The following SLC9A4 variants were observed in gnomAD, a reference collection of about 807,000 sequenced individuals.
SLC9A4 encodes the protein solute carrier family 9 member A4, also known as sodium/hydrogen exchanger 4.
SLC9A4 carries 63 observed loss-of-function variants against 67.4 expected under a neutral mutation model. That is an observed-to-expected ratio of 0.93 (90% CI 0.76 to 1.15). The LOEUF (loss-of-function observed/expected upper bound fraction) is 1.15. Ranked by LOEUF, SLC9A4 falls within the 50% of genes most tolerant of loss-of-function variation. The probability of loss-of-function intolerance (pLI) is 0.00; values close to 1 mark genes in which losing one functional copy is unlikely to be tolerated. For synonymous variants in SLC9A4, 393 were observed against 367.2 expected (o/e 1.07, Z -0.80); for missense variants, 1,089 against 987.7 (o/e 1.10, Z -1.38).
intron 9 of SLC9A4, among the ~76,000 whole-genome samples, chr2:102,521,035 C>T (rs1352675328): frequency 6.6e-6 from 1 of 152,212 alleles, no homozygotes; most frequent in Non-Finnish European, 1.5e-5. Flanking sequence ...GCTTTCAAAT[C>T]ATTCCAAGTG....
At chr2:102,531,512 G>T (rs1054886406) in intron 11 of SLC9A4, among the ~76,000 whole-genome samples, 2 of 152,136 alleles carry the variant, frequency 1.3e-5, no homozygotes, top group Non-Finnish European at 2.9e-5. Flanking sequence ...AAGGAGACCT[G>T]ATGGTAAGAA....
intron 2 of SLC9A4, among the ~76,000 whole-genome samples, chr2:102,480,716 T>C (rs922833067): frequency 7.2e-5 from 11 of 152,242 alleles, no homozygotes; most frequent in African/African-American, 2.7e-4. Flanking sequence ...AATGTGCTGC[T>C]GTTTTAATCA....
intron 2 of SLC9A4, among the ~76,000 whole-genome samples, chr2:102,495,594 T>C (rs1684790355): frequency 6.6e-6 from 1 of 152,160 alleles, no homozygotes; most frequent in African/African-American, 2.4e-5. Context: ...GAAAGACTTA[T>C]TTGATGACTT....
chr2:102,478,952 G>T lies in SLC9A4; in HGVS notation c.370G>T (p.Val124Phe). The T allele has an allele frequency of 6.2e-7, 1 of 1,614,030 alleles. No homozygotes were observed. The highest frequency in any genetic ancestry group is 8.5e-7 in the Non-Finnish European group (1 of 1,179,980). The change falls in exon 2 of 12, where the codon GTC becomes TTC. Residue 124 changes from valine (V) to phenylalanine (F), a missense_variant. By Grantham distance (50) the Val-to-Phe change is conservative. Coordinates refer to ENST00000295269, the MANE Select transcript of SLC9A4 (RefSeq NM_001011552.4). ...CGGCACCGACCACAAATCGCCTCCG[G>T]TCATGGACTCCAGCATCTACTTCCT... ...IFGTDHKSPP[V>F]MDSSIYFLYL...
At chr2:102,508,033 G>A (rs1449845672) in intron 4 of SLC9A4, 46 bp from the exon 5 acceptor site, 1 of 1,584,294 alleles carries the variant, frequency 6.3e-7, no homozygotes, top group Non-Finnish European at 8.7e-7. Flanking sequence ...CTGTATCTCT[G>A]CTCGTTCATG....
rs183188258 is a variant in SLC9A4 at position 102,474,067 on chromosome 2, G to T, written c.256+52G>T. The T allele has an allele frequency of 2.1e-3, 3,330 of 1,577,614 alleles. 5 individuals are homozygous for T. Among genetic ancestry groups the T allele is most frequent in the Non-Finnish European group, 2.6e-3 (2,997 of 1,159,676 alleles). On this transcript the variant is annotated intron_variant, in intron 1 of 11. Coordinates refer to ENST00000295269, the MANE Select transcript of SLC9A4 (RefSeq NM_001011552.4). Reference sequence around the variant, plus strand: ...GAGTTATCTTTTTACATAAGATAGTGAATGTGAAAATGCCTTATAGATAAC... The same window carrying T: ...GAGTTATCTTTTTACATAAGATAGTTAATGTGAAAATGCCTTATAGATAAC...
At chr2:102,507,903 C>A (rs772606435) in intron 4 of SLC9A4, among the ~76,000 whole-genome samples, 176 bp from the exon 5 acceptor site, 4 of 152,120 alleles carry the variant, frequency 2.6e-5, no homozygotes, top group Non-Finnish European at 5.9e-5. Context: ...TACTGTCTCA[C>A]AACTATCAAA....
At position 102,503,519 on chromosome 2, in the gene SLC9A4, G is replaced by A; in HGVS notation, c.792G>A (p.Leu264=). Residue 264 remains leucine, a synonymous_variant, in exon 3 of 12, where the codon TTG becomes TTA. Coordinates refer to ENST00000295269, the MANE Select transcript of SLC9A4 (RefSeq NM_001011552.4). ...AAGACATAGAAACTGTCGACATTTT[G>A]GCTGGATGTGCCCGATTCATCGTTG... ...KFEDIETVDI[L]AGCARFIVVG... 1.9e-6 allele frequency: 3 copies of A among 1,614,124 alleles called. No individual in the cohort carries two copies. Among genetic ancestry groups the A allele is most frequent in the Non-Finnish European group, 2.5e-6 (3 of 1,180,014 alleles).
intron 9 of SLC9A4, among the ~76,000 whole-genome samples, chr2:102,520,328 C>A (rs1054279149): frequency 3.9e-5 from 6 of 152,052 alleles, no homozygotes; most frequent in African/African-American, 1.4e-4. Context: ...ATTGTATTGA[C>A]TATAGTAAAG....
Position 102,525,064 on chromosome 2 carries a change from G to A in SLC9A4, c.1859G>A (p.Ser620Asn), listed in dbSNP as rs776969175. The A allele has an allele frequency of 3.9e-5, 63 of 1,613,942 alleles. 1 individual carries two copies. Among genetic ancestry groups the A allele is most frequent in the Non-Finnish European group, 4.7e-5 (56 of 1,179,992 alleles). ...AAATACAACCTCAAACCCCAAACAAGTGAGAAGCAGGCTAAAGAGATTCTG... is the reference window on the plus strand; with the variant it reads ...AAATACAACCTCAAACCCCAAACAAATGAGAAGCAGGCTAAAGAGATTCTG... ...YNKYNLKPQT[S>N]EKQAKEILIR... Residue 620 changes from serine (S) to asparagine (N), a missense_variant, in exon 10 of 12, where the codon AGT becomes AAT. By Grantham distance (46) the Ser-to-Asn change is conservative (BLOSUM62 1). Transcript: ENST00000295269.
chr2:102,533,617 G>A lies in SLC9A4; in HGVS notation c.*929G>A, dbSNP rs1201039948. 35 of 149,888 alleles carry A rather than the reference G, an allele frequency of 2.3e-4. No individual in the cohort carries two copies. Among genetic ancestry groups the A allele is most frequent in the South Asian group, 8.6e-4 (4 of 4,662 alleles). 9.3% of individuals were successfully genotyped at this position (149,888 alleles called of 1,614,324 possible). On this transcript the variant is annotated 3_prime_UTR_variant, in exon 12 of 12. Coordinates refer to ENST00000295269, the MANE Select transcript of SLC9A4 (RefSeq NM_001011552.4). ...GCTAACTCGTCATCTAGCATTAGGTGTATCTCCCAATGCTATCCCTCCCCC... is the reference window on the plus strand; with the variant it reads ...GCTAACTCGTCATCTAGCATTAGGTATATCTCCCAATGCTATCCCTCCCCC...
rs61731286 is a variant in SLC9A4, at chr2:102,479,072, T to C, written c.490T>C (p.Leu164=). The change falls in exon 2 of 12, where the codon TTG becomes CTG. Residue 164 remains leucine, a synonymous_variant. Transcript: ENST00000295269. The part of the protein sequence containing the change: ...NIGSILWWAV[L]GALINALGIG... Reference sequence around the variant, plus strand: ...CGGCTCCATCCTGTGGTGGGCAGTATTGGGGGCCCTGATCAACGCCTTGGG... The same window carrying C: ...CGGCTCCATCCTGTGGTGGGCAGTACTGGGGGCCCTGATCAACGCCTTGGG... 129,640 of 1,614,012 alleles carry C rather than the reference T, an allele frequency of 0.08. 6,793 individuals carry two copies. The highest frequency in any genetic ancestry group is 0.24 in the African/African-American group (18,003 of 74,998).
intron 1 of SLC9A4, among the ~76,000 whole-genome samples, chr2:102,474,649 A>G (rs1210349464): frequency 6.6e-6 from 1 of 152,220 alleles, no homozygotes; most frequent in Non-Finnish European, 1.5e-5. Context: ...AATCCAAGTT[A>G]ATAGATTAAA....
chr2:102,498,908 G>A (rs1286151230), intron 2 of SLC9A4, among the ~76,000 whole-genome samples: 1 of 152,196 alleles, frequency 6.6e-6, no homozygotes, highest in African/African-American at 2.4e-5. Flanking sequence ...GACACTCAGA[G>A]TGCATTAAAT....
chr2:102,510,588 A>G (rs1685147729), intron 6 of SLC9A4, among the ~76,000 whole-genome samples: 1 of 152,236 alleles, frequency 6.6e-6, no homozygotes, highest in Non-Finnish European at 1.5e-5. Flanking sequence ...CATTTACAGC[A>G]ACATCTAGAG....
chr2:102,500,376 G>A (rs1169186883), intron 2 of SLC9A4, among the ~76,000 whole-genome samples: 1 of 152,208 alleles, frequency 6.6e-6, no homozygotes, highest in African/African-American at 2.4e-5. Flanking sequence ...ACAACAGTGA[G>A]AGGATACATT....
At chr2:102,495,404 A>T (rs1684786829) in intron 2 of SLC9A4, among the ~76,000 whole-genome samples, 1 of 152,110 alleles carries the variant, frequency 6.6e-6, no homozygotes, top group Non-Finnish European at 1.5e-5. Context: ...TCATTAATGG[A>T]AGAGTAAACA....
Position 102,532,924 on chromosome 2 carries a change from T to C in SLC9A4, c.*236T>C, listed in dbSNP as rs1192154360. The C allele has an allele frequency of 4.6e-6, 2 of 436,716 alleles. No individual in the cohort carries two copies. The highest frequency in any genetic ancestry group is 4.1e-6 in the Non-Finnish European group (1 of 243,354). 27.1% of individuals were successfully genotyped at this position (436,716 alleles called of 1,614,324 possible). Reference sequence around the variant, plus strand: ...ATGAATTCCCTGTGAGTGAGAGAAGTTGATCACCCCAGGAATTAGTCACTA... The same window carrying C: ...ATGAATTCCCTGTGAGTGAGAGAAGCTGATCACCCCAGGAATTAGTCACTA... On this transcript the variant is annotated 3_prime_UTR_variant, in exon 12 of 12. Coordinates refer to ENST00000295269, the MANE Select transcript of SLC9A4 (RefSeq NM_001011552.4).
intron 2 of SLC9A4, among the ~76,000 whole-genome samples, chr2:102,500,531 C>T (rs955877307): frequency 7.9e-5 from 12 of 152,206 alleles, no homozygotes; most frequent in Middle Eastern, 3.4e-3. Context: ...GCAACCTCCT[C>T]GTGTGGCCTC....
Sources: allele counts gnomAD v4.1 joint callset (sites outside exome capture counted in the v4.1 genomes callset), GRCh38; gene constraint gnomAD v4.1.1; transcripts MANE v1.5; gene names NCBI Gene and HGNC (gene_info 2026-07-23, HGNC 2026-07-21).